CACNB4: variants seen among roughly 807,000 people sequenced by gnomAD.
CACNB4 encodes voltage-dependent L-type calcium channel subunit beta-4.
Under a neutral mutation model 71.2 loss-of-function variants are expected in CACNB4, and 32 were observed. That is an observed-to-expected ratio of 0.45 (90% CI 0.34 to 0.60). The LOEUF (loss-of-function observed/expected upper bound fraction) is 0.60. Among genes scored for constraint, CACNB4 ranks in the 20% least tolerant of loss-of-function variants. CACNB4 has a pLI of 0.01. For missense variants in CACNB4, 464 were observed against 647.9 expected (o/e 0.72, Z 3.08); for synonymous variants, 231 against 236.9 (o/e 0.97, Z 0.23).
chr2:152,068,307 T>C (rs1686464248), intron 2 of CACNB4, among the ~76,000 whole-genome samples: 1 of 152,152 alleles, frequency 6.6e-6, no homozygotes, highest in Non-Finnish European at 1.5e-5. Context: ...AGTCTTCACA[T>C]GAGGTAGCTG....
At chr2:152,039,145 G>A (rs1019937255) in intron 2 of CACNB4, among the ~76,000 whole-genome samples, 2 of 152,068 alleles carry the variant, frequency 1.3e-5, no homozygotes, top group Admixed American at 6.5e-5. Flanking sequence ...TGGGCCGAGC[G>A]CGGTGGCTCA....
At chr2:151,877,331 TTTC>T in intron 4 of CACNB4, among the ~76,000 whole-genome samples, 1 of 152,270 alleles carries the variant, frequency 6.6e-6, no homozygotes, top group East Asian at 1.9e-4. Flanking sequence ...CAATAAAACT[TTTC>T]TTTACAAAAA....
At chr2:151,989,482 G>A (rs903916390) in intron 2 of CACNB4, among the ~76,000 whole-genome samples, 14 of 152,206 alleles carry the variant, frequency 9.2e-5, no homozygotes, top group Admixed American at 7.8e-4. Flanking sequence ...CCTTTCTCCC[G>A]TTGGAAACTC....
At chr2:152,094,993 T>C (rs772701205) in intron 2 of CACNB4, among the ~76,000 whole-genome samples, 4 of 152,210 alleles carry the variant, frequency 2.6e-5, no homozygotes, top group Non-Finnish European at 5.9e-5. Context: ...GAACACTTCA[T>C]CACATTTCCA....
intron 2 of CACNB4, among the ~76,000 whole-genome samples, chr2:151,952,897 C>T (rs1328666190): frequency 6.6e-6 from 1 of 152,204 alleles, no homozygotes; most frequent in Non-Finnish European, 1.5e-5. Context: ...AAACCGGTTT[C>T]TAGCTTTCTT....
chr2:152,000,504 T>C (rs1682333671), intron 2 of CACNB4, among the ~76,000 whole-genome samples: 1 of 152,194 alleles, frequency 6.6e-6, no homozygotes, highest in Non-Finnish European at 1.5e-5. Flanking sequence ...ATTCCATATA[T>C]GTTCTCTGTT....
At chr2:151,949,648 G>A (rs149512686) in intron 2 of CACNB4, among the ~76,000 whole-genome samples, 114 of 152,288 alleles carry the variant, frequency 7.5e-4, no homozygotes, top group African/African-American at 2.6e-3. Context: ...TGATGTCAAG[G>A]TCCTGATGTG....
chr2:151,999,091 TA>T lies in CACNB4; in HGVS notation c.147+99238del, dbSNP rs763776731. Among the ~76,000 whole-genome samples, 5 of 152,306 alleles carry T rather than the reference TA, an allele frequency of 3.3e-5. No individual in the cohort carries two copies. In the South Asian group the frequency reaches 8.3e-4, roughly 25 times the overall value. ...AAATGCGGCTGTCAGCTGCTTGGCATAAGGAATCAGTAGGAACAGGGTGTCT... is the reference window on the plus strand; with the variant it reads ...AAATGCGGCTGTCAGCTGCTTGGCATAGGAATCAGTAGGAACAGGGTGTCT... On this transcript the variant is annotated intron_variant, in intron 2 of 13. Transcript: ENST00000539935.
intron 2 of CACNB4, among the ~76,000 whole-genome samples, chr2:151,981,854 C>T (rs1297969535): frequency 2.0e-5 from 3 of 152,062 alleles, no homozygotes; most frequent in Admixed American, 6.5e-5. Flanking sequence ...AGGCAGCAAG[C>T]GTGCTAAAAC....
At chr2:151,947,699 G>T (rs929695637) in intron 2 of CACNB4, among the ~76,000 whole-genome samples, 1 of 152,164 alleles carries the variant, frequency 6.6e-6, no homozygotes, top group Non-Finnish European at 1.5e-5. Flanking sequence ...TTCTATTTGG[G>T]AATGGACACT....
chr2:151,963,226 G>GGCGTGAGGCTGAGGCAGGAGAATT (rs1336492793), intron 2 of CACNB4, among the ~76,000 whole-genome samples: 2 of 151,064 alleles, frequency 1.3e-5, no homozygotes, highest in African/African-American at 4.9e-5. Flanking sequence ...GCAGGAGAAT[G>GGCGTGAGGCTGAGGCAGGAGAATT]GCGTGAACCT....
At chr2:151,866,994 T>A (rs2099843315) in intron 9 of CACNB4, 1 of 152,234 alleles carries the variant, frequency 6.6e-6, no homozygotes, top group Non-Finnish European at 1.5e-5. Context: ...ATTAAATAAA[T>A]TCCCTTTTTC....
chr2:151,900,987 C>CTTT (rs1559961065), intron 2 of CACNB4, among the ~76,000 whole-genome samples: 1 of 88,722 alleles, frequency 1.1e-5, no homozygotes, highest in Non-Finnish European at 2.3e-5. Context: ...TTCTTTCTTT[C>CTTT]TTTCTTTTTT....
chr2:151,858,511 G>A (rs2099840837), intron 10 of CACNB4: 1 of 152,128 alleles, frequency 6.6e-6, no homozygotes, highest in Admixed American at 6.5e-5. Flanking sequence ...TATCTTCAAG[G>A]CTCTAAGTCT....
At chr2:152,079,959 G>A (rs1213819952) in intron 2 of CACNB4, among the ~76,000 whole-genome samples, 4 of 152,176 alleles carry the variant, frequency 2.6e-5, no homozygotes, top group Non-Finnish European at 4.4e-5. Context: ...GTACAGCCAA[G>A]GTTGAGAATC....
At chr2:152,084,564 A>T (rs1687540732) in intron 2 of CACNB4, among the ~76,000 whole-genome samples, 1 of 152,100 alleles carries the variant, frequency 6.6e-6, no homozygotes, top group African/African-American at 2.4e-5. Context: ...CAATATATGG[A>T]CTATTAATGT....
chr2:152,082,810 C>T (rs775581035), intron 2 of CACNB4, among the ~76,000 whole-genome samples: 1 of 152,106 alleles, frequency 6.6e-6, no homozygotes, highest in Non-Finnish European at 1.5e-5. Flanking sequence ...AGCTAGGCTC[C>T]CAGATTAGTC....
intron 4 of CACNB4, chr2:151,879,929 TC>T (rs1487547106): frequency 2.0e-5 from 3 of 152,234 alleles, no homozygotes; most frequent in Admixed American, 2.0e-4. Flanking sequence ...GTGGTGCTTC[TC>T]CTTGGACACA....
At position 152,098,265 on chromosome 2, in the gene CACNB4, T is replaced by C; in HGVS notation, c.147+65A>G. ...CCCGCACGTGTGGGCCACGGCCGGC[T>C]CCAGGACCCCCGCGCCGCGCGCTCG... On this transcript the variant is annotated intron_variant, in intron 2 of 13. Coordinates refer to ENST00000539935, the MANE Select transcript of CACNB4 (RefSeq NM_000726.5). The surrounding 1 kb of genome is among the most constrained non-coding windows in gnomAD (Gnocchi z 5.3). 1 of 1,338,392 alleles carries C rather than the reference T, an allele frequency of 7.5e-7. No homozygotes were observed. 82.9% of individuals were successfully genotyped at this position (1,338,392 alleles called of 1,614,324 possible).
Sources: allele counts gnomAD v4.1 joint callset (sites outside exome capture counted in the v4.1 genomes callset), GRCh38; gene constraint gnomAD v4.1.1; non-coding constraint Gnocchi (gnomAD v3.1); transcripts MANE v1.5; gene names NCBI Gene and HGNC (gene_info 2026-07-23, HGNC 2026-07-21).